EIF2AK3: variants seen among roughly 807,000 people sequenced by gnomAD.
EIF2AK3 encodes the protein eukaryotic translation initiation factor 2 alpha kinase 3, also known as eukaryotic translation initiation factor 2-alpha kinase 3.
Under a neutral mutation model 113.5 loss-of-function variants are expected in EIF2AK3, and 50 were observed. The ratio of observed to expected loss-of-function variants is 0.44; its 90% CI spans 0.35 to 0.56. EIF2AK3 has a LOEUF of 0.56. EIF2AK3 is among the 20% of genes least tolerant of loss of function. The probability of loss-of-function intolerance (pLI) is 0.00; values close to 1 mark genes in which losing one functional copy is unlikely to be tolerated. For missense variants in EIF2AK3, 1,185 were observed against 1,378.0 expected, an observed-to-expected ratio of 0.86 and a Z score of 2.22; for synonymous variants, 448 against 495.4, an observed-to-expected ratio of 0.90 and a Z score of 1.27.
chr2:88,571,727 T>G (rs1415422685), intron 13 of EIF2AK3, among the ~76,000 whole-genome samples: 3 of 152,168 alleles, frequency 2.0e-5, no homozygotes. Context: ...ATCTTTTGGT[T>G]TGCGTCTGAG....
chr2:88,562,247 T>C (rs775357798), intron 15 of EIF2AK3, 42 bp downstream of exon 15: 1 of 1,512,890 alleles, frequency 6.6e-7, no homozygotes, highest in Non-Finnish European at 9.2e-7. Context: ...GTTAGATTAT[T>C]TTCTGTTTGA....
rs149027884 is a variant in EIF2AK3, at chr2:88,592,763, C to CA, written c.767+508dup. Among the ~76,000 whole-genome samples the CA allele has an allele frequency of 3.0e-3, 315 of 104,190 alleles. 1 individual carries two copies. Among genetic ancestry groups the CA allele is most frequent in the African/African-American group, 6.6e-3 (166 of 25,304 alleles). 68.4% of individuals were successfully genotyped at this position (104,190 alleles called of 152,430 possible). On this transcript the variant is annotated intron_variant, in intron 4 of 16. Coordinates refer to ENST00000303236, the MANE Select transcript of EIF2AK3 (RefSeq NM_004836.7). ...GGGCAACAAGAGTGAAACTCGGTCT[C>CA]AAAAAAAAAAAAAAAAAATCATTAA...
At position 88,585,875 on chromosome 2, in the gene EIF2AK3, A is replaced by G; in HGVS notation, c.1616T>C (p.Ile539Thr). ...ILFCIIATTF[I>T]VRRLFHPHPH... Reference sequence around the variant, plus strand: ...ATGAGGATGGAAAAGCCTGCGCACAATAAACGTTGTTGCTATGATACAAAA... The same window carrying G: ...ATGAGGATGGAAAAGCCTGCGCACAGTAAACGTTGTTGCTATGATACAAAA... Residue 539 changes from isoleucine (I) to threonine (T), a missense_variant, in exon 9 of 17, where the codon ATT becomes ACT. Physicochemically the swap from Ile to Thr is moderately conservative, Grantham distance 89. Coordinates refer to ENST00000303236, the MANE Select transcript of EIF2AK3 (RefSeq NM_004836.7). 1 of 1,614,110 alleles carries G rather than the reference A, an allele frequency of 6.2e-7. No individual in the cohort carries two copies. Among genetic ancestry groups the G allele is most frequent in the South Asian group, 1.1e-5 (1 of 91,080 alleles).
chr2:88,602,456 G>A (rs896183460), intron 2 of EIF2AK3, among the ~76,000 whole-genome samples: 1 of 152,008 alleles, frequency 6.6e-6, no homozygotes, highest in African/African-American at 2.4e-5. Context: ...AAAAGAGTGT[G>A]GCAAGATGCA....
chr2:88,621,138 A>G (rs1275629665), intron 1 of EIF2AK3, among the ~76,000 whole-genome samples: 8 of 152,230 alleles, frequency 5.3e-5, no homozygotes, highest in Non-Finnish European at 1.0e-4. Context: ...GCAGCTTTTT[A>G]TTCCTCTCAG....
At chr2:88,580,044 A>G (rs1332165540) in intron 10 of EIF2AK3, 6 of 237,154 alleles carry the variant, frequency 2.5e-5, no homozygotes, top group Non-Finnish European at 4.2e-5. Context: ...TTAGCTAATT[A>G]CCTGTCAATT....
At chr2:88,627,613 A>C, upstream of EIF2AK3, 3 of 269,046 alleles carry the variant, frequency 1.1e-5, no homozygotes, top group Admixed American at 5.4e-5. Context: ...TCAAATCGTA[A>C]TTTCGTCGTT....
At chr2:88,567,224 T>TA (rs397723987) in intron 14 of EIF2AK3, among the ~76,000 whole-genome samples, 1 of 151,826 alleles carries the variant, frequency 6.6e-6, no homozygotes, top group Non-Finnish European at 1.5e-5. Flanking sequence ...TTTTTTTTTT[T>TA]AAATTATAAT....
At chr2:88,622,788 T>TA (rs1190762986) in intron 1 of EIF2AK3, among the ~76,000 whole-genome samples, 1 of 152,044 alleles carries the variant, frequency 6.6e-6, no homozygotes, top group Non-Finnish European at 1.5e-5. Context: ...TCCTAGTAGT[T>TA]AAAAAAACAA....
intron 14 of EIF2AK3, among the ~76,000 whole-genome samples, chr2:88,568,246 T>C (rs1299893034): frequency 6.6e-6 from 1 of 152,124 alleles, no homozygotes; most frequent in African/African-American, 2.4e-5. Context: ...TGAAGTATGG[T>C]CCATGGATTC....
chr2:88,579,437 G>A (rs1674542798), intron 11 of EIF2AK3, 81 bp downstream of exon 11: 1 of 1,554,804 alleles, frequency 6.4e-7, no homozygotes, highest in Admixed American at 1.7e-5. Context: ...TGTTTACAGA[G>A]TACAGTAAGA....
intron 11 of EIF2AK3, 141 bp downstream of exon 11, chr2:88,579,377 G>T: frequency 9.1e-7 from 1 of 1,100,340 alleles, no homozygotes; most frequent in Non-Finnish European, 1.3e-6. Flanking sequence ...CTGGTTAATT[G>T]GCAGCACTTA....
In EIF2AK3 at chr2:88,613,861, T is replaced by A. The variant is rs1252127344; in HGVS notation, c.309-8A>T. The A allele has an allele frequency of 1.9e-6, 3 of 1,605,402 alleles. No homozygotes were observed. Among genetic ancestry groups the A allele is most frequent in the Non-Finnish European group, 1.7e-6 (2 of 1,174,182 alleles). On this transcript the variant is annotated splice_polypyrimidine_tract_variant and splice_region_variant and intron_variant, in intron 1 of 16. Transcript: ENST00000303236. ...CTGATAATTACTAATGACCTGTAAA[T>A]ATTAAAAATATTTTTAAAATTAACA...
chr2:88,599,724 A>G (rs1675105436), intron 2 of EIF2AK3, among the ~76,000 whole-genome samples: 1 of 152,118 alleles, frequency 6.6e-6, no homozygotes, highest in Admixed American at 6.5e-5. Flanking sequence ...GATAGCGTTT[A>G]TTTTGACTTA....
rs747945365 is a variant in EIF2AK3 at position 88,558,899 on chromosome 2, GAT to G, written c.3150+16_3150+17del. The G allele has an allele frequency of 4.5e-6, 7 of 1,561,308 alleles. No homozygotes were observed. The highest frequency in any genetic ancestry group is 6.2e-6 in the Non-Finnish European group (7 of 1,133,478). ...AAAGATGATTCTAAAGAAGATAAAAGATGAGAATTACACATACCTCACAAGGA... is the reference window on the plus strand; with the variant it reads ...AAAGATGATTCTAAAGAAGATAAAAGGAGAATTACACATACCTCACAAGGA... On this transcript the variant is annotated intron_variant, in intron 16 of 16. Coordinates refer to ENST00000303236, the MANE Select transcript of EIF2AK3 (RefSeq NM_004836.7).
At chr2:88,600,118 C>T (rs1488432035) in intron 2 of EIF2AK3, among the ~76,000 whole-genome samples, 1 of 152,120 alleles carries the variant, frequency 6.6e-6, no homozygotes, top group East Asian at 1.9e-4. Context: ...TTTAAAAGTT[C>T]ACTTTTAAAT....
intron 11 of EIF2AK3, 69 bp downstream of exon 11, chr2:88,579,449 G>A: frequency 1.3e-6 from 2 of 1,590,118 alleles, no homozygotes. Context: ...ACAGTAAGAA[G>A]GATATTTTAC....
At chr2:88,626,817 T>C (rs1675872136) in intron 1 of EIF2AK3, 150 bp downstream of exon 1, 24 of 1,109,674 alleles carry the variant, frequency 2.2e-5, no homozygotes, top group African/African-American at 3.3e-5. Context: ...GAGGGCGTCG[T>C]GGCCCCGCGC....
At position 88,585,825 on chromosome 2, in the gene EIF2AK3, C is replaced by T. The variant is rs1558652837; in HGVS notation, c.1650+16G>A. 1 of 1,609,004 alleles carries T rather than the reference C, an allele frequency of 6.2e-7. No individual in the cohort carries two copies. The highest frequency in any genetic ancestry group is 8.5e-7 in the Non-Finnish European group (1 of 1,176,148). On this transcript the variant is annotated intron_variant, in intron 9 of 16. Transcript: ENST00000303236. Reference sequence around the variant, plus strand: ...GGGGAAGTGGAAACCAGACAGTAAGCAACCATGATTCTTACCCTGTGAGGA... The same window carrying T: ...GGGGAAGTGGAAACCAGACAGTAAGTAACCATGATTCTTACCCTGTGAGGA...
Sources: allele counts gnomAD v4.1 joint callset (sites outside exome capture counted in the v4.1 genomes callset), GRCh38; gene constraint gnomAD v4.1.1; transcripts MANE v1.5; gene names NCBI Gene and HGNC (gene_info 2026-07-23, HGNC 2026-07-21).